CD226: variants seen among roughly 807,000 people sequenced by gnomAD.
CD226 encodes the protein CD226 molecule, also known as CD226 antigen.
A neutral mutation model predicts 34.9 loss-of-function variants in CD226; 24 were observed. That is an observed-to-expected ratio of 0.69 (90% CI 0.50 to 0.97). The LOEUF (loss-of-function observed/expected upper bound fraction) is 0.97. Among genes scored for constraint, CD226 ranks in the 50% least tolerant of loss-of-function variants. The probability of loss-of-function intolerance (pLI) is 0.00; values close to 1 mark genes in which losing one functional copy is unlikely to be tolerated. For missense variants in CD226, 397 were observed against 412.7 expected, an observed-to-expected ratio of 0.96 and a Z score of 0.33; for synonymous variants, 148 against 147.4, an observed-to-expected ratio of 1.00 and a Z score of -0.03.
intron 2 of CD226, among the ~76,000 whole-genome samples, chr18:69,911,364 A>G (rs549533419): frequency 7.9e-5 from 12 of 152,322 alleles, no homozygotes; most frequent in Admixed American, 7.8e-4. Context: ...TTATCCAACT[A>G]GAATATTGAG....
At chr18:69,903,623 G>A (rs573324299) in intron 2 of CD226, among the ~76,000 whole-genome samples, 51 of 152,120 alleles carry the variant, frequency 3.4e-4, no homozygotes, top group African/African-American at 6.7e-4. Context: ...CAATATGACC[G>A]TGTCCTTATA....
intron 2 of CD226, among the ~76,000 whole-genome samples, chr18:69,926,381 C>A (rs1177053135): frequency 6.6e-6 from 1 of 152,036 alleles, no homozygotes; most frequent in Non-Finnish European, 1.5e-5. Context: ...GATGTGTTTT[C>A]CATCCAACTT....
chr18:69,913,949 C>G (rs2055356408), intron 2 of CD226, among the ~76,000 whole-genome samples: 1 of 152,176 alleles, frequency 6.6e-6, no homozygotes, highest in Non-Finnish European at 1.5e-5. Flanking sequence ...CACGACTTCT[C>G]TATCATTCTA....
intron 3 of CD226, among the ~76,000 whole-genome samples, chr18:69,889,021 G>A (rs905980745): frequency 5.9e-5 from 9 of 151,712 alleles, no homozygotes; most frequent in African/African-American, 2.2e-4. Flanking sequence ...TTAACTGACC[G>A]GTTGCATTTT....
At chr18:69,934,652 G>A (rs917218072) in intron 2 of CD226, among the ~76,000 whole-genome samples, 36 of 152,052 alleles carry the variant, frequency 2.4e-4, no homozygotes, top group East Asian at 1.9e-4. Context: ...TCTTTCTCTC[G>A]AGGCAGATTA....
upstream of CD226, among the ~76,000 whole-genome samples, chr18:69,961,034 T>G (rs960027188): frequency 2.0e-5 from 3 of 152,222 alleles, no homozygotes; most frequent in African/African-American, 4.8e-5. Flanking sequence ...GTGATCCACC[T>G]AGAGAACATG....
chr18:69,947,182 T>C, intron 1 of CD226, 113 bp from the exon 2 acceptor site: 2 of 1,002,042 alleles, frequency 2.0e-6, no homozygotes, highest in Non-Finnish European at 3.0e-6. Flanking sequence ...GCTGACAGTT[T>C]CTGCCTTTGT....
upstream of CD226, among the ~76,000 whole-genome samples, chr18:69,950,404 C>T (rs547893759): frequency 1.8e-4 from 27 of 152,180 alleles, no homozygotes; most frequent in Non-Finnish European, 3.4e-4. Context: ...ATCAGACGAA[C>T]ATACAAATAA....
chr18:69,905,116 C>A (rs2055235916), intron 2 of CD226, among the ~76,000 whole-genome samples: 1 of 152,168 alleles, frequency 6.6e-6, no homozygotes, highest in Admixed American at 6.5e-5. Flanking sequence ...GCAGGACATT[C>A]TTACCTAGGC....
intron 2 of CD226, among the ~76,000 whole-genome samples, chr18:69,918,784 C>G (rs527790768): frequency 4.6e-5 from 7 of 152,238 alleles, no homozygotes; most frequent in African/African-American, 1.7e-4. Context: ...CAGCAGGCAT[C>G]CAGGGCACTT....
upstream of CD226, among the ~76,000 whole-genome samples, chr18:69,958,414 T>C (rs137864232): frequency 1.7e-4 from 26 of 152,288 alleles, no homozygotes; most frequent in East Asian, 5.0e-3. Flanking sequence ...GGGCTGCTTT[T>C]TTGCCTCAAT....
chr18:69,875,047 C>A (rs1983777718), intron 3 of CD226, among the ~76,000 whole-genome samples: 2 of 152,200 alleles, frequency 1.3e-5, no homozygotes, highest in Non-Finnish European at 2.9e-5. Flanking sequence ...ATACACGGTG[C>A]AGGTATTTCT....
chr18:69,870,429 C>G (rs1983449143), intron 4 of CD226, among the ~76,000 whole-genome samples: 1 of 151,864 alleles, frequency 6.6e-6, no homozygotes, highest in South Asian at 2.1e-4. Context: ...CACCCACCAC[C>G]ACGCCCAGCC....
chr18:69,944,294 T>C (rs954257698), intron 2 of CD226, among the ~76,000 whole-genome samples: 1 of 152,174 alleles, frequency 6.6e-6, no homozygotes, highest in African/African-American at 2.4e-5. Flanking sequence ...GAATTCAAAC[T>C]AGACGGACAG....
At chr18:69,929,051 T>C (rs113887226) in intron 2 of CD226, among the ~76,000 whole-genome samples, 9 of 152,218 alleles carry the variant, frequency 5.9e-5, no homozygotes, top group African/African-American at 9.6e-5. Context: ...AGGAAGATCA[T>C]GGAAATGACC....
Position 69,889,675 on chromosome 18 carries a change from A to C in CD226, c.727+6026T>G, listed in dbSNP as rs114420093. On this transcript the variant is annotated intron_variant, in intron 3 of 5. Coordinates refer to ENST00000582621, the MANE Select transcript of CD226 (RefSeq NM_001303618.2). ...AGTCTCAAAGTCAGTAACCTCCCAC[A>C]AGCCATCTACAGGCAAGATTTATAA... 7.6e-3 allele frequency among the ~76,000 whole-genome samples: 1,150 copies of C among 152,298 alleles called. 18 individuals carry two copies. The highest frequency in any genetic ancestry group is 0.026 in the African/African-American group (1,089 of 41,546).
chr18:69,955,982 C>T (rs549450406), intron 1 of CD226, among the ~76,000 whole-genome samples: 8 of 152,164 alleles, frequency 5.3e-5, no homozygotes, highest in African/African-American at 1.4e-4. Context: ...CTCCTCTAGA[C>T]CACGATACCC....
At chr18:69,907,836 T>C (rs1373675263) in intron 2 of CD226, among the ~76,000 whole-genome samples, 1 of 152,188 alleles carries the variant, frequency 6.6e-6, no homozygotes, top group Non-Finnish European at 1.5e-5. Context: ...TCAAAATTTC[T>C]AGAGAGTGAA....
chr18:69,866,811 TC>T (rs1386513421), intron 5 of CD226, among the ~76,000 whole-genome samples: 1 of 151,986 alleles, frequency 6.6e-6, no homozygotes, highest in Non-Finnish European at 1.5e-5. Flanking sequence ...AACTGGGGTC[TC>T]CATAAGAAAA....
Sources: gnomAD v4.1 joint callset for allele counts (sites outside exome capture counted in the v4.1 genomes callset) on GRCh38, gnomAD v4.1.1 for gene constraint, MANE v1.5 for transcripts, NCBI Gene and HGNC (gene_info 2026-07-23, HGNC 2026-07-21) for gene names.